ADD3: variants seen among roughly 807,000 people sequenced by gnomAD.
ADD3 encodes the protein gamma-adducin.
ADD3 carries 25 observed loss-of-function variants against 80.2 expected under a neutral mutation model. The observed-to-expected ratio is 0.31, with a 90% CI of 0.23 to 0.44. ADD3 has a LOEUF of 0.44. ADD3 is among the 20% of genes least tolerant of loss of function. The probability of loss-of-function intolerance (pLI) is 1.00; values close to 1 mark genes in which losing one functional copy is unlikely to be tolerated. For missense variants in ADD3, 829 were observed against 847.5 expected, an observed-to-expected ratio of 0.98 and a Z score of 0.27; for synonymous variants, 284 against 289.6, an observed-to-expected ratio of 0.98 and a Z score of 0.20.
At position 110,130,465 on chromosome 10, in the gene ADD3, C is replaced by T. The variant is rs750339365; in HGVS notation, c.1711C>T (p.Arg571Cys). The T allele has an allele frequency of 1.8e-5, 29 of 1,613,636 alleles. No homozygotes were observed. Among genetic ancestry groups the T allele is most frequent in the African/African-American group, 6.7e-5 (5 of 74,868 alleles). Residue 571 changes from arginine to cysteine, a missense_variant, in exon 13 of 15, where the codon CGT becomes TGT. By Grantham distance (180) the Arg-to-Cys change is radical. Transcript: ENST00000356080. ...ELEEYKRTIE[R>C]KQQGLEDAEQ... The stretch of plus-strand genomic sequence containing the variant: ...TGAAGAGTATAAGAGGACAATCGAA[C>T]GTAAACAACAAGGCCTAGAAGGTTA...
chr10:110,050,479 A>G (rs1254472497), intron 1 of ADD3, among the ~76,000 whole-genome samples: 1 of 148,412 alleles, frequency 6.7e-6, no homozygotes, highest in Non-Finnish European at 1.5e-5. Context: ...CTCCCCAGCC[A>G]CGTGGAACTG....
intron 11 of ADD3, 47 bp downstream of exon 11, chr10:110,125,992 A>G (rs1158309901): frequency 1.9e-6 from 3 of 1,549,958 alleles, no homozygotes; most frequent in Non-Finnish European, 8.8e-7. Flanking sequence ...TAATTGCTTT[A>G]TGTTTAAATC....
chr10:110,092,396 A>G (rs770571743), intron 1 of ADD3, among the ~76,000 whole-genome samples: 11 of 152,236 alleles, frequency 7.2e-5, no homozygotes, highest in Non-Finnish European at 1.6e-4. Context: ...CCATAAAAAA[A>G]ACATGAAATC....
intron 1 of ADD3, among the ~76,000 whole-genome samples, chr10:110,013,350 C>T (rs911279498): frequency 3.3e-5 from 5 of 152,142 alleles, no homozygotes; most frequent in African/African-American, 4.8e-5. Context: ...TGTTCCTCCC[C>T]GCTCGGCTAC....
intron 1 of ADD3, chr10:110,076,898 C>A (rs771028978): frequency 7.2e-5 from 11 of 152,160 alleles, no homozygotes; most frequent in Non-Finnish European, 1.2e-4. Context: ...AATTGTGACT[C>A]CAAGGCTCTG....
chr10:110,033,962 A>G (rs1458479761), intron 1 of ADD3, among the ~76,000 whole-genome samples: 1 of 152,190 alleles, frequency 6.6e-6, no homozygotes. Flanking sequence ...TTAAAGGTTT[A>G]TATTGTACCT....
chr10:110,042,465 T>A (rs1196504845), intron 1 of ADD3, among the ~76,000 whole-genome samples: 1 of 152,060 alleles, frequency 6.6e-6, no homozygotes, highest in African/African-American at 2.4e-5. Flanking sequence ...TGTCTGGAAG[T>A]GTATGTTCAG....
chr10:110,040,144 C>A (rs1856120679), intron 1 of ADD3, among the ~76,000 whole-genome samples: 1 of 152,114 alleles, frequency 6.6e-6, no homozygotes, highest in African/African-American at 2.4e-5. Context: ...GCTGCAAATA[C>A]TCATGCTGTT....
At chr10:110,087,365 A>T (rs1235120336) in intron 1 of ADD3, among the ~76,000 whole-genome samples, 1 of 152,186 alleles carries the variant, frequency 6.6e-6, no homozygotes, top group Non-Finnish European at 1.5e-5. Flanking sequence ...ATCCTTGCTT[A>T]AGTGAAAATA....
At chr10:110,084,695 A>G (rs1846484923) in intron 1 of ADD3, among the ~76,000 whole-genome samples, 1 of 152,190 alleles carries the variant, frequency 6.6e-6, no homozygotes, top group Non-Finnish European at 1.5e-5. Context: ...TTTAAATTCT[A>G]AGGATAGTAT....
chr10:110,044,781 A>G (rs1856743520), intron 1 of ADD3, among the ~76,000 whole-genome samples: 1 of 152,254 alleles, frequency 6.6e-6, no homozygotes, highest in Admixed American at 6.5e-5. Context: ...TATGTGATTT[A>G]TACTTTGGGA....
intron 1 of ADD3, among the ~76,000 whole-genome samples, chr10:110,100,318 C>T (rs1373324481): frequency 6.8e-6 from 1 of 147,364 alleles, no homozygotes; most frequent in Non-Finnish European, 1.5e-5. Context: ...TCACTGCACT[C>T]CAGCCTGGGT....
At position 110,134,983 on chromosome 10, in the gene ADD3, C is replaced by A. The variant is rs1394072453; in HGVS notation, c.*1365C>A. On this transcript the variant is annotated 3_prime_UTR_variant, in exon 15 of 15. Coordinates refer to ENST00000356080, the MANE Select transcript of ADD3 (RefSeq NM_016824.5). Reference sequence around the variant, plus strand: ...CCTAGGCTTAATATAGGCGTTTCCCCTTTCACCCAAGTGATGTCACAGTTC... The same window carrying A: ...CCTAGGCTTAATATAGGCGTTTCCCATTTCACCCAAGTGATGTCACAGTTC... 1 of 152,190 alleles carries A rather than the reference C, an allele frequency of 6.6e-6. No homozygotes were observed. Among genetic ancestry groups the A allele is most frequent in the Non-Finnish European group, 1.5e-5 (1 of 68,020 alleles). The allele number at this position is 152,190 out of a possible 1,614,324, so 9.4% of individuals were successfully genotyped here.
chr10:110,045,753 G>A (rs1440946308), intron 1 of ADD3, among the ~76,000 whole-genome samples: 1 of 152,046 alleles, frequency 6.6e-6, no homozygotes, highest in African/African-American at 2.4e-5. Context: ...ACCATACATG[G>A]CACTGTCACA....
At chr10:110,051,411 C>T (rs1473114326) in intron 1 of ADD3, among the ~76,000 whole-genome samples, 2 of 152,000 alleles carry the variant, frequency 1.3e-5, no homozygotes, top group African/African-American at 2.4e-5. Flanking sequence ...GTGGTTCCTC[C>T]AAAAGTTAAA....
intron 1 of ADD3, among the ~76,000 whole-genome samples, chr10:110,081,439 C>CA (rs1846047098): frequency 6.6e-6 from 1 of 151,746 alleles, no homozygotes; most frequent in Middle Eastern, 3.4e-3. Flanking sequence ...TGGAACTTGG[C>CA]AAAAAATATA....
chr10:110,098,452 A>G (rs879856765), intron 1 of ADD3, among the ~76,000 whole-genome samples: 18 of 152,136 alleles, frequency 1.2e-4, no homozygotes, highest in Admixed American at 3.9e-4. Context: ...GAGCTTGAAA[A>G]TGTTTTTATC....
intron 1 of ADD3, among the ~76,000 whole-genome samples, chr10:110,042,265 G>C (rs983551876): frequency 6.6e-6 from 1 of 152,180 alleles, no homozygotes; most frequent in African/African-American, 2.4e-5. Flanking sequence ...AATTATATTA[G>C]AATAACTACT....
At chr10:110,105,481 G>A (rs1849305209) in intron 2 of ADD3, among the ~76,000 whole-genome samples, 1 of 152,164 alleles carries the variant, frequency 6.6e-6, no homozygotes, top group Non-Finnish European at 1.5e-5. Context: ...GGTGGGCTTT[G>A]AAACATTAAA....
Sources: gnomAD v4.1 joint callset for allele counts (sites outside exome capture counted in the v4.1 genomes callset) on GRCh38, gnomAD v4.1.1 for gene constraint, MANE v1.5 for transcripts, NCBI Gene and HGNC (gene_info 2026-07-23, HGNC 2026-07-21) for gene names.